The following MRC1 variants were observed in gnomAD, a reference collection of about 807,000 sequenced individuals.
The protein encoded by MRC1 is macrophage mannose receptor 1.
In MRC1, 62 loss-of-function variants were observed where a neutral mutation model predicts 102.9. That is an observed-to-expected ratio of 0.60 (90% CI 0.49 to 0.74). MRC1 has a LOEUF of 0.74. Among genes scored for constraint, MRC1 ranks in the 30% least tolerant of loss-of-function variants. The pLI, the probability that MRC1 is intolerant of heterozygous loss-of-function variation, is 0.00. For missense variants in MRC1, 1,237 were observed against 862.8 expected (o/e 1.43, Z -5.43); for synonymous variants, 457 against 298.4 (o/e 1.53, Z -5.48).
intron 19 of MRC1, 23 bp downstream of exon 19, chr10:17,879,844 A>G (rs1285462556): frequency 6.4e-6 from 5 of 780,722 alleles, no homozygotes; most frequent in African/African-American, 1.7e-5. Context: ...TGCATATTGA[A>G]TTTGCTTTGT....
At chr10:17,882,275 G>C (rs922123109) in intron 21 of MRC1, among the ~76,000 whole-genome samples, 3 of 152,074 alleles carry the variant, frequency 2.0e-5, no homozygotes, top group African/African-American at 7.2e-5. Context: ...GAGAGGGTGT[G>C]GACTTTGAAG....
intron 5 of MRC1, among the ~76,000 whole-genome samples, chr10:17,843,854 A>G (rs1838786037): frequency 6.6e-6 from 1 of 152,100 alleles, no homozygotes; most frequent in Admixed American, 6.5e-5. Context: ...GTCTTGCAGG[A>G]AAGGAAGTGA....
intron 4 of MRC1, among the ~76,000 whole-genome samples, chr10:17,837,048 A>G (rs963001428): frequency 4.6e-5 from 7 of 152,158 alleles, no homozygotes; most frequent in African/African-American, 1.7e-4. Flanking sequence ...CTGAGCGGAC[A>G]GCGGCTTTGC....
chr10:17,809,367 A>G lies in MRC1; in HGVS notation c.-99A>G. ...TCTTTTCAGCTGGGCAGCTCTGGGA[A>G]CTTGGATTAGGTGGAGAGGCAGTTG... is the stretch of plus-strand genomic sequence containing the variant. On this transcript the variant is annotated 5_prime_UTR_variant, in exon 1 of 30. Transcript: ENST00000569591. The G allele has an allele frequency of 1.2e-6, 1 of 819,578 alleles. No individual in the cohort carries two copies. Among genetic ancestry groups the G allele is most frequent in the Admixed American group, 1.7e-5 (1 of 58,748 alleles). The allele number at this position is 819,578 out of a possible 1,614,324, so 50.8% of individuals were successfully genotyped here.
intron 18 of MRC1, among the ~76,000 whole-genome samples, 192 bp downstream of exon 18, chr10:17,878,159 A>G (rs1833462766): frequency 6.6e-6 from 1 of 152,224 alleles, no homozygotes; most frequent in African/African-American, 2.4e-5. Flanking sequence ...ATTCCAAACA[A>G]ACAACTCAAA....
intron 2 of MRC1, among the ~76,000 whole-genome samples, chr10:17,824,852 T>C (rs1035761091): frequency 2.0e-5 from 3 of 152,130 alleles, no homozygotes; most frequent in Non-Finnish European, 2.9e-5. Flanking sequence ...TGTTTCCCCA[T>C]TGGTTTTGAG....
chr10:17,810,044 A>T (rs1219309216), intron 1 of MRC1, among the ~76,000 whole-genome samples: 1 of 149,400 alleles, frequency 6.7e-6, no homozygotes, highest in African/African-American at 2.4e-5. Context: ...TTCTGCCAGA[A>T]TCATTCAGAC....
At chr10:17,826,340 T>G (rs1419164702) in intron 2 of MRC1, among the ~76,000 whole-genome samples, 12 of 152,104 alleles carry the variant, frequency 7.9e-5, no homozygotes, top group African/African-American at 2.9e-4. Flanking sequence ...GTAGTTGGGA[T>G]TACAGGTGCC....
At chr10:17,843,679 A>AG (rs1554840013) in intron 5 of MRC1, among the ~76,000 whole-genome samples, 1 of 152,158 alleles carries the variant, frequency 6.6e-6, no homozygotes, top group Non-Finnish European at 1.5e-5. Context: ...GAAAAAAAAA[A>AG]GATAACTTAA....
intron 22 of MRC1, among the ~76,000 whole-genome samples, chr10:17,887,176 T>G (rs1223418556): frequency 1.3e-5 from 2 of 152,106 alleles, no homozygotes; most frequent in African/African-American, 4.8e-5. Context: ...TAACTGGTGG[T>G]CAGGAGATCG....
intron 2 of MRC1, 46 bp downstream of exon 2, chr10:17,823,521 T>G: frequency 2.6e-6 from 2 of 779,896 alleles, no homozygotes; most frequent in Non-Finnish European, 4.8e-6. Context: ...TTTTCTCGTC[T>G]TCTTAGTTGG....
chr10:17,856,126 C>T (rs61844057), intron 8 of MRC1, 116 bp from the exon 9 acceptor site: 21 of 711,224 alleles, frequency 3.0e-5, no homozygotes, highest in South Asian at 2.0e-4. Flanking sequence ...GCCAAGATCG[C>T]GCCACTGCAC....
intron 16 of MRC1, among the ~76,000 whole-genome samples, chr10:17,874,630 C>T (rs1833401916): frequency 6.6e-6 from 1 of 152,040 alleles, no homozygotes; most frequent in African/African-American, 2.4e-5. Context: ...CCTGAGGGGC[C>T]CACTTGATAC....
chr10:17,827,447 C>CAGTAAG (rs1159141235), intron 2 of MRC1, 95 bp from the exon 3 acceptor site: 1 of 515,184 alleles, frequency 1.9e-6, no homozygotes, highest in South Asian at 1.8e-5. Flanking sequence ...GTAATCAGAA[C>CAGTAAG]AGTAAGACCA....
rs528479069 is a variant in MRC1 at position 17,843,774 on chromosome 10, C to T, written c.917-1515C>T. On this transcript the variant is annotated intron_variant, in intron 5 of 29. Coordinates refer to ENST00000569591, the MANE Select transcript of MRC1 (RefSeq NM_002438.4). ...TTTAATTACCACACAAAGAATACCA[C>T]CAAAACTTTAAAAAGGTTATTTAGG... Among the ~76,000 whole-genome samples the T allele has an allele frequency of 5.3e-5, 8 of 152,200 alleles. No homozygotes were observed. The East Asian group carries it at 1.5e-3, about 29-fold the overall frequency.
In MRC1 at chr10:17,827,372, C is replaced by CAAAAAAAAAAAAAAAAAAAAA. The variant is rs782616938; in HGVS notation, c.464-152_464-132dup. ...TAGAAGGAGAAGGAAAAAAAATACC[C>CAAAAAAAAAAAAAAAAAAAAA]AAAAAAAAAAAAAAAAAAAAAAAAA... On this transcript the variant is annotated intron_variant, in intron 2 of 29. Transcript: ENST00000569591. Among the ~76,000 whole-genome samples, 4 of 64,030 alleles carry CAAAAAAAAAAAAAAAAAAAAA rather than the reference C, an allele frequency of 6.2e-5. 1 individual carries two copies. Among genetic ancestry groups the CAAAAAAAAAAAAAAAAAAAAA allele is most frequent in the African/African-American group, 2.0e-4 (4 of 19,730 alleles). 42.0% of individuals were successfully genotyped at this position (64,030 alleles called of 152,430 possible).
chr10:17,893,007 T>TG (rs1833702009), intron 22 of MRC1, among the ~76,000 whole-genome samples: 3 of 94,586 alleles, frequency 3.2e-5, no homozygotes, highest in African/African-American at 1.3e-4. Context: ...AGACTCCATC[T>TG]AGGAAAAAAA....
Position 17,827,615 on chromosome 10 carries a change from C to T in MRC1, c.537C>T (p.Tyr179=), listed in dbSNP as rs1029674151. ...CGTTCAAGTTTGAAAACAAGTGGTACGCAGATTGCACGAGTGCTGGGCGGT... is the reference window on the plus strand; with the variant it reads ...CGTTCAAGTTTGAAAACAAGTGGTATGCAGATTGCACGAGTGCTGGGCGGT... The part of the protein sequence containing the change: ...AFPFKFENKW[Y]ADCTSAGRSD... The change falls in exon 3 of 30, where the codon TAC becomes TAT. Residue 179 remains tyrosine (Y), a synonymous_variant. Transcript: ENST00000569591. 2.7e-5 allele frequency: 21 copies of T among 780,644 alleles called. No homozygotes were observed. The highest frequency in any genetic ancestry group is 1.0e-4 in the African/African-American group (6 of 59,106). 48.4% of individuals were successfully genotyped at this position (780,644 alleles called of 1,614,324 possible).
intron 22 of MRC1, among the ~76,000 whole-genome samples, chr10:17,888,923 CACTTTA>C (rs1833637343): frequency 6.6e-6 from 1 of 152,044 alleles, no homozygotes; most frequent in Non-Finnish European, 1.5e-5. Context: ...TATCAGTTCT[CACTTTA>C]CATATGTTGA....
Sources: gnomAD v4.1 joint callset for allele counts (sites outside exome capture counted in the v4.1 genomes callset) on GRCh38, gnomAD v4.1.1 for gene constraint, MANE v1.5 for transcripts, NCBI Gene and HGNC (gene_info 2026-07-23, HGNC 2026-07-21) for gene names.